TACC3: variants seen among roughly 807,000 people sequenced by gnomAD.
TACC3 encodes transforming acidic coiled-coil containing protein 3.
Under a neutral mutation model 86.0 loss-of-function variants are expected in TACC3, and 52 were observed. The observed-to-expected ratio is 0.60, with a 90% confidence interval of 0.48 to 0.76. The LOEUF is 0.76. Among genes scored for constraint, TACC3 ranks in the 30% least tolerant of loss-of-function variants. The pLI is 0.00. For missense variants in TACC3, 1,120 were observed against 1,070.4 expected (o/e 1.05, Z -0.65); for synonymous variants, 512 against 430.0 (o/e 1.19, Z -2.36).
intron 12 of TACC3, 117 bp downstream of exon 12, chr4:1,740,119 A>C: frequency 3.0e-6 from 3 of 1,000,834 alleles, no homozygotes; most frequent in Non-Finnish European, 4.6e-6. Flanking sequence ...TTTTCCTAAC[A>C]CACGAGTCCC....
At chr4:1,723,961 T>C in intron 3 of TACC3, 91 bp downstream of exon 3, 3 of 1,354,014 alleles carry the variant, frequency 2.2e-6, no homozygotes, top group Admixed American at 4.0e-5. Flanking sequence ...TATCAGGCCT[T>C]GGCTGGATTT....
Position 1,745,116 on chromosome 4 carries a change from T to G in TACC3, c.*103T>G. The G allele has an allele frequency of 1.6e-6, 2 of 1,282,288 alleles. No individual in the cohort carries two copies. The highest frequency in any genetic ancestry group is 2.2e-6 in the Non-Finnish European group (2 of 928,970). 79.4% of individuals were successfully genotyped at this position (1,282,288 alleles called of 1,614,324 possible). Reference sequence around the variant, plus strand: ...TTTTCTGTCTTGTCTTCAACTTTTTTAAAAACTAGATTGCTTTGAAAACAT... The same window carrying G: ...TTTTCTGTCTTGTCTTCAACTTTTTGAAAAACTAGATTGCTTTGAAAACAT... On this transcript the variant is annotated 3_prime_UTR_variant, in exon 16 of 16. Transcript: ENST00000313288.
In TACC3 at chr4:1,727,840, A is replaced by G. The variant is rs768644340; in HGVS notation, c.438A>G (p.Pro146=). 6.2e-7 allele frequency: 1 copy of G among 1,613,244 alleles called. No individual in the cohort carries two copies. ...FGSGSSSESG[P]GALADLDCSS... ...GTGGCAGCTCCAGCGAGTCTGGCCC[A>G]GGTGCCCTGGCTGACCTGGACTGCT... The change falls in exon 4 of 16, where the codon CCA becomes CCG. Residue 146 remains proline, a synonymous_variant. Coordinates refer to ENST00000313288, the MANE Select transcript of TACC3 (RefSeq NM_006342.3).
At chr4:1,730,002 T>C (rs1213150081) in intron 4 of TACC3, among the ~76,000 whole-genome samples, 1 of 152,098 alleles carries the variant, frequency 6.6e-6, no homozygotes, top group African/African-American at 2.4e-5. Flanking sequence ...CTTCACCTCC[T>C]ATCTCTATAT....
intron 3 of TACC3, among the ~76,000 whole-genome samples, chr4:1,724,915 C>T (rs978253454): frequency 1.2e-4 from 17 of 144,898 alleles, no homozygotes; most frequent in African/African-American, 4.1e-4. Flanking sequence ...TGTGAGCCAC[C>T]ATGCCCGGCC....
At chr4:1,720,940 G>A (rs1020815527), upstream of TACC3, 1 of 1,004,456 alleles carries the variant, frequency 1.0e-6, no homozygotes, top group Non-Finnish European at 1.3e-6. The surrounding 1 kb of genome is among the most constrained non-coding windows in gnomAD (Gnocchi z 4.4). Context: ...GCCGCCGCCC[G>A]GCCGCCCGCG....
chr4:1,734,952 G>A (rs1718180936), intron 6 of TACC3, among the ~76,000 whole-genome samples: 1 of 152,238 alleles, frequency 6.6e-6, no homozygotes, highest in Non-Finnish European at 1.5e-5. Flanking sequence ...TAAAAGACTT[G>A]TCTAGGGTAA....
rs759287001 is a variant in TACC3 at position 1,728,020 on chromosome 4, C to G, written c.618C>G (p.Cys206Trp). The G allele has an allele frequency of 1.9e-6, 3 of 1,613,210 alleles. No homozygotes were observed. Among genetic ancestry groups the G allele is most frequent in the Middle Eastern group, 1.6e-4 (1 of 6,062 alleles). ...CCTCTGAGACCCTAGAAGACCCTTG[C>G]AGGACAGAGTCCCAGCACAAAGCGG... ...TPASETLEDP[C>W]RTESQHKAET... The change falls in exon 4 of 16, where the codon TGC (cysteine) becomes TGG (tryptophan). Residue 206 changes from cysteine (C) to tryptophan (W), a missense_variant. Transcript: ENST00000313288.
intron 6 of TACC3, among the ~76,000 whole-genome samples, chr4:1,731,534 C>A (rs1718009202): frequency 6.6e-6 from 1 of 152,164 alleles, no homozygotes; most frequent in Non-Finnish European, 1.5e-5. Context: ...AAACTGTAGA[C>A]TCAGGAAAAT....
intron 3 of TACC3, among the ~76,000 whole-genome samples, chr4:1,724,622 A>G (rs1423635587): frequency 6.6e-6 from 1 of 151,870 alleles, no homozygotes; most frequent in African/African-American, 2.4e-5. Context: ...GTCTTTGCCT[A>G]GAAAGGGAGG....
intron 1 of TACC3, chr4:1,722,983 C>G (rs371256571): frequency 2.4e-5 from 4 of 163,526 alleles, no homozygotes; most frequent in South Asian, 2.8e-4. Flanking sequence ...CTCTACTGCC[C>G]GGTCCTGCCT....
At chr4:1,725,844 C>T (rs951920742) in intron 3 of TACC3, among the ~76,000 whole-genome samples, 6 of 152,262 alleles carry the variant, frequency 3.9e-5, no homozygotes, top group Non-Finnish European at 8.8e-5. Context: ...GCCCACGTGT[C>T]ATTCAGAGGA....
At chr4:1,726,752 G>C (rs891614819) in intron 3 of TACC3, among the ~76,000 whole-genome samples, 5 of 152,190 alleles carry the variant, frequency 3.3e-5, no homozygotes, top group African/African-American at 1.2e-4. Context: ...ACAGCTGAGA[G>C]GGTGGCAGCC....
chr4:1,730,931 T>A lies in TACC3; in HGVS notation c.1430T>A (p.Leu477Ter). 1.9e-6 allele frequency: 3 copies of A among 1,613,434 alleles called. No individual in the cohort carries two copies. The highest frequency in any genetic ancestry group is 2.5e-6 in the Non-Finnish European group (3 of 1,180,044). The change falls in exon 5 of 16, where the codon TTG becomes TAG. Residue 477 changes from leucine to a stop codon, truncating the protein, a stop_gained. Coordinates refer to ENST00000313288, the MANE Select transcript of TACC3 (RefSeq NM_006342.3). LOFTEE classifies it high-confidence loss of function. The stretch of plus-strand genomic sequence containing the variant: ...GCGGAGGACACGCCTGTGGTGCAGT[T>A]GGCAGCCGAGACCCCAACAGCAGAG... ...ASAEDTPVVQ[L>*]AAETPTAESK...
In TACC3 at chr4:1,737,722, C is replaced by T; in HGVS notation, c.1941+20C>T. 6.5e-7 allele frequency: 1 copy of T among 1,547,654 alleles called. No individual in the cohort carries two copies. Among genetic ancestry groups the T allele is most frequent in the Non-Finnish European group, 8.7e-7 (1 of 1,143,996 alleles). On this transcript the variant is annotated intron_variant, in intron 10 of 15. Transcript: ENST00000313288. ...GCAGTGGTAAGGACGCAGGTAGTAG[C>T]TATTCCACAGAACCTGCAGGCCGCT...
chr4:1,738,556 C>G (rs1378100599), intron 10 of TACC3, among the ~76,000 whole-genome samples: 1 of 152,252 alleles, frequency 6.6e-6, no homozygotes, highest in African/African-American at 2.4e-5. Flanking sequence ...AATGCTTGTT[C>G]TCTGGTGCCA....
Position 1,723,938 on chromosome 4 carries a change from T to G in TACC3, c.305+68T>G. 7.1e-6 allele frequency: 11 copies of G among 1,555,248 alleles called. No individual in the cohort carries two copies. The South Asian group carries it at 1.3e-4, about 18-fold the overall frequency. ...CTGTCCGATGGTTCTTGCAGGAAAG[T>G]GCTGTCTTGTTCTATCAGGCCTTGG... On this transcript the variant is annotated intron_variant, in intron 3 of 15. Coordinates refer to ENST00000313288, the MANE Select transcript of TACC3 (RefSeq NM_006342.3).
rs766034953 is a variant in TACC3, at chr4:1,740,805, GTTTGC to G, written c.2063-17_2063-13del. ...TTTCGGTTGCCTCCTCATCCTGAAC[GTTTGC>G]TTTTCTTTTCTCAAGAGGAAGTTCA... On this transcript the variant is annotated splice_polypyrimidine_tract_variant and intron_variant, in intron 12 of 15. Transcript: ENST00000313288. 1.2e-6 allele frequency: 2 copies of G among 1,600,514 alleles called. No individual in the cohort carries two copies. Among genetic ancestry groups the G allele is most frequent in the Middle Eastern group, 1.7e-4 (1 of 5,994 alleles).
chr4:1,720,944 G>A (rs1369403785), upstream of TACC3: 3 of 908,388 alleles, frequency 3.3e-6, no homozygotes, highest in African/African-American at 5.4e-5. The surrounding 1 kb of genome is among the most constrained non-coding windows in gnomAD (Gnocchi z 4.4). Flanking sequence ...CCGCCCGGCC[G>A]CCCGCGGGGC....
Sources: gnomAD v4.1 joint callset for allele counts (sites outside exome capture counted in the v4.1 genomes callset) on GRCh38, gnomAD v4.1.1 for gene constraint, Gnocchi (gnomAD v3.1) non-coding constraint, MANE v1.5 for transcripts, NCBI Gene and HGNC (gene_info 2026-07-23, HGNC 2026-07-21) for gene names.